The following CNTN4 variants were observed in gnomAD, a reference collection of about 807,000 sequenced individuals.
The protein encoded by CNTN4 is contactin 4, also known as contactin-4.
Under a neutral mutation model 122.5 loss-of-function variants are expected in CNTN4, and 77 were observed. The ratio of observed to expected loss-of-function variants is 0.63; its 90% CI spans 0.52 to 0.76. The LOEUF (loss-of-function observed/expected upper bound fraction) is 0.76. CNTN4 is among the 30% of genes least tolerant of loss of function. The pLI is 0.00. For synonymous variants in CNTN4, 512 were observed against 447.0 expected (o/e 1.15, Z -1.83); for missense variants, 1,256 against 1,259.1 (o/e 1.00, Z 0.04).
At chr3:2,863,827 G>C (rs2093695477) in intron 7 of CNTN4, among the ~76,000 whole-genome samples, 1 of 152,104 alleles carries the variant, frequency 6.6e-6, no homozygotes, top group African/African-American at 2.4e-5. Context: ...GTTTTACTTT[G>C]TTTAATCCAG....
chr3:2,946,037 G>A (rs1481040065), intron 13 of CNTN4, among the ~76,000 whole-genome samples: 1 of 152,134 alleles, frequency 6.6e-6, no homozygotes, highest in Admixed American at 6.5e-5. Context: ...TTTTCCTGTA[G>A]CTAATATAAT....
intron 3 of CNTN4, among the ~76,000 whole-genome samples, chr3:2,569,141 G>A (rs548312391): frequency 1.1e-4 from 16 of 152,220 alleles, no homozygotes; most frequent in Non-Finnish European, 1.6e-4. Context: ...CAGCAGATCC[G>A]AAGTTAAGAG....
Position 2,910,142 on chromosome 3 carries a change from G to C in CNTN4, c.1207+7137G>C, listed in dbSNP as rs75576663. 3.1e-3 allele frequency among the ~76,000 whole-genome samples: 469 copies of C among 152,338 alleles called. 1 individual carries two copies. Among genetic ancestry groups the C allele is most frequent in the Non-Finnish European group, 5.6e-3 (383 of 68,030 alleles). On this transcript the variant is annotated intron_variant, in intron 12 of 24. Transcript: ENST00000418658. ...CTTGACAGACTACCATGTGAGGCTTGAGCTAAAGTGCTGCATGGCATGACT... is the reference window on the plus strand; with the variant it reads ...CTTGACAGACTACCATGTGAGGCTTCAGCTAAAGTGCTGCATGGCATGACT...
chr3:2,750,921 T>C (rs554905532), intron 6 of CNTN4, among the ~76,000 whole-genome samples: 1 of 152,306 alleles, frequency 6.6e-6, no homozygotes, highest in African/African-American at 2.4e-5. Context: ...GCAAGCATTC[T>C]CACCTTGAGG....
chr3:2,736,618 C>T (rs955369132), intron 5 of CNTN4, among the ~76,000 whole-genome samples: 8 of 151,208 alleles, frequency 5.3e-5, no homozygotes, highest in Admixed American at 2.0e-4. Context: ...CATGCACCAC[C>T]ACGCCCGGCT....
chr3:2,272,040 C>G (rs1575227296), intron 2 of CNTN4, among the ~76,000 whole-genome samples: 1 of 152,130 alleles, frequency 6.6e-6, no homozygotes, highest in Non-Finnish European at 1.5e-5. Flanking sequence ...CAGTATGATT[C>G]TAAATTGCAA....
chr3:2,856,861 A>T (rs13070084), intron 7 of CNTN4, among the ~76,000 whole-genome samples: 3,225 of 152,316 alleles, frequency 0.021, 57 homozygotes, highest in Non-Finnish European at 0.03. Flanking sequence ...ATTTTACTTT[A>T]TCCAGGAGGC....
chr3:2,267,560 C>T (rs904049222), intron 2 of CNTN4, among the ~76,000 whole-genome samples: 8 of 152,058 alleles, frequency 5.3e-5, no homozygotes, highest in African/African-American at 1.9e-4. Flanking sequence ...ATCTGTGACT[C>T]ATGAACTTTA....
In CNTN4 at chr3:2,105,001, G is replaced by A. The variant is rs555506960; in HGVS notation, c.-145+4362G>A. 4.9e-4 allele frequency among the ~76,000 whole-genome samples: 74 copies of A among 152,248 alleles called. 1 individual carries two copies. In the East Asian group the frequency reaches 7.5e-3, roughly 16 times the overall value. ...TGGAGCATGGGAACCAGGTCTTGTCGGGAAGAGCATTGACTTTTCCTGTCC... is the reference window on the plus strand; with the variant it reads ...TGGAGCATGGGAACCAGGTCTTGTCAGGAAGAGCATTGACTTTTCCTGTCC... On this transcript the variant is annotated intron_variant, in intron 2 of 24. Coordinates refer to ENST00000418658, the MANE Select transcript of CNTN4 (RefSeq NM_175607.3).
chr3:2,279,758 T>C (rs2041647829), intron 2 of CNTN4, among the ~76,000 whole-genome samples: 1 of 151,744 alleles, frequency 6.6e-6, no homozygotes, highest in Admixed American at 6.6e-5. Context: ...ATATGATATA[T>C]ATGTGATTAT....
At chr3:2,712,062 A>G (rs1167621685) in intron 4 of CNTN4, among the ~76,000 whole-genome samples, 1 of 152,222 alleles carries the variant, frequency 6.6e-6, no homozygotes, top group African/African-American at 2.4e-5. Context: ...ATCACCATTC[A>G]GCATTTACTG....
At chr3:2,452,415 C>A (rs1453188436) in intron 3 of CNTN4, among the ~76,000 whole-genome samples, 1 of 152,144 alleles carries the variant, frequency 6.6e-6, no homozygotes, top group Non-Finnish European at 1.5e-5. Context: ...TCCTTACATG[C>A]CTTCTGGTGG....
intron 2 of CNTN4, among the ~76,000 whole-genome samples, chr3:2,281,718 G>A (rs192167788): frequency 2.6e-5 from 4 of 151,902 alleles, no homozygotes; most frequent in African/African-American, 9.7e-5. Flanking sequence ...AGGTGTTTTC[G>A]GTTTTCTTCT....
intron 2 of CNTN4, among the ~76,000 whole-genome samples, chr3:2,181,257 T>A (rs2037002370): frequency 6.6e-6 from 1 of 152,042 alleles, no homozygotes; most frequent in Non-Finnish European, 1.5e-5. Context: ...ACAAATGTGA[T>A]CACCCCGAGG....
chr3:2,631,953 G>C (rs2082458174), intron 4 of CNTN4, among the ~76,000 whole-genome samples: 1 of 151,516 alleles, frequency 6.6e-6, no homozygotes, highest in Admixed American at 6.6e-5. Flanking sequence ...TTAGCAGGCT[G>C]AGTGAGAGGA....
chr3:2,890,582 G>A (rs547473503), intron 10 of CNTN4, among the ~76,000 whole-genome samples: 86 of 152,216 alleles, frequency 5.6e-4, no homozygotes, highest in Admixed American at 2.0e-3. Context: ...TGGCAAAATG[G>A]CAATTTTTTT....
intron 2 of CNTN4, among the ~76,000 whole-genome samples, chr3:2,275,483 T>C (rs970524659): frequency 6.6e-6 from 1 of 152,202 alleles, no homozygotes; most frequent in Admixed American, 6.5e-5. Flanking sequence ...TAGGAATCAC[T>C]ACTCCTTCTG....
At chr3:3,005,997 T>C (rs958120457) in intron 14 of CNTN4, among the ~76,000 whole-genome samples, 1 of 151,452 alleles carries the variant, frequency 6.6e-6, no homozygotes, top group Admixed American at 6.6e-5. Flanking sequence ...GCCATTCTCG[T>C]GCCTCAGCCT....
intron 14 of CNTN4, among the ~76,000 whole-genome samples, chr3:3,014,517 C>G (rs1697557028): frequency 6.6e-6 from 1 of 150,726 alleles, no homozygotes; most frequent in African/African-American, 2.4e-5. Context: ...TGGAATGGTG[C>G]TCCACAAAAG....
Sources: allele counts gnomAD v4.1 joint callset (sites outside exome capture counted in the v4.1 genomes callset), GRCh38; gene constraint gnomAD v4.1.1; transcripts MANE v1.5; gene names NCBI Gene and HGNC (gene_info 2026-07-23, HGNC 2026-07-21).